Variants in ANOS1 observed in about 807,000 individuals in gnomAD.
ANOS1 encodes the protein anosmin-1.
ANOS1 carries 6 observed loss-of-function variants against 59.0 expected under a neutral mutation model. The observed-to-expected ratio is 0.10, with a 90% confidence interval of 0.06 to 0.20. The LOEUF (loss-of-function observed/expected upper bound fraction) is 0.20. Among genes scored for constraint, ANOS1 ranks in the 10% least tolerant of loss-of-function variants. The pLI is 1.00. For missense variants in ANOS1, 433 were observed against 542.3 expected (o/e 0.80, Z 2.00); for synonymous variants, 217 against 223.4 (o/e 0.97, Z 0.25).
Position 8,611,457 on chromosome X carries a change from G to A in ANOS1, c.318+12151C>T, listed in dbSNP as rs151270823. Among the ~76,000 whole-genome samples the A allele has an allele frequency of 2.3e-3, 250 of 110,195 alleles. 1 individual carries two copies. Among genetic ancestry groups the A allele is most frequent in the African/African-American group, 7.3e-3 (222 of 30,471 alleles). On this transcript the variant is annotated intron_variant, in intron 3 of 13. Transcript: ENST00000262648. ...ATATTGAACAATAAATTAAAAATTT[G>A]ATTAAAATTGTATGTCCAAAGTTAG...
chrX:8,615,121 C>T lies in ANOS1; in HGVS notation c.318+8487G>A, dbSNP rs181697968. Reference sequence around the variant, plus strand: ...GACTTAGATGAATTCTGCATCTCTTCATTGGTGCCCAAGTAACACCATCTA... The same window carrying T: ...GACTTAGATGAATTCTGCATCTCTTTATTGGTGCCCAAGTAACACCATCTA... On this transcript the variant is annotated intron_variant, in intron 3 of 13. Coordinates refer to ENST00000262648, the MANE Select transcript of ANOS1 (RefSeq NM_000216.4). Among the ~76,000 whole-genome samples the T allele has an allele frequency of 8.3e-3, 920 of 111,319 alleles. 18 individuals carry two copies. Among genetic ancestry groups the T allele is most frequent in the African/African-American group, 0.028 (868 of 30,727 alleles).
chrX:8,558,600 T>C (rs966249114), intron 8 of ANOS1, among the ~76,000 whole-genome samples: 12 of 111,822 alleles, frequency 1.1e-4, no homozygotes, highest in Non-Finnish European at 1.9e-4. Context: ...TTTATAGTTA[T>C]GAGGAAAATA....
intron 3 of ANOS1, among the ~76,000 whole-genome samples, chrX:8,607,986 T>C: frequency 9.0e-6 from 1 of 111,664 alleles, no homozygotes; most frequent in Middle Eastern, 4.6e-3. Flanking sequence ...ATACTGATGA[T>C]TTAGGCAAGT....
intron 2 of ANOS1, among the ~76,000 whole-genome samples, chrX:8,629,295 G>A (rs1476692286): frequency 9.0e-6 from 1 of 111,375 alleles, no homozygotes; most frequent in Admixed American, 9.6e-5. Flanking sequence ...ATTTTAGAGA[G>A]GAAACACTGA....
chrX:8,595,845 G>A (rs1930725939), intron 4 of ANOS1, among the ~76,000 whole-genome samples: 1 of 111,072 alleles, frequency 9.0e-6, no homozygotes, highest in South Asian at 3.9e-4. Context: ...GTAAGTGGTG[G>A]GTGAGTGGAC....
Position 8,539,666 on chromosome X carries a change from G to A in ANOS1, c.1447C>T (p.His483Tyr), listed in dbSNP as rs140758896. 3 of 1,211,576 alleles carry A rather than the reference G, an allele frequency of 2.5e-6. No individual in the cohort carries two copies. Among genetic ancestry groups the A allele is most frequent in the Non-Finnish European group, 3.4e-6 (3 of 895,487 alleles). ...TGGCCTAGAGATCATGTCCTTACGT[G>A]GGTCATGCCAGATGATGCCTCTGAT... ...TGSEASSGMT[H>Y]ENYIILQDLS... The change falls in exon 10 of 14, where the codon CAC (histidine) becomes TAC (tyrosine). Residue 483 changes from histidine to tyrosine, a missense_variant and splice_region_variant. Transcript: ENST00000262648.
intron 5 of ANOS1, 73 bp downstream of exon 5, chrX:8,587,721 T>A (rs1252893321): frequency 1.2e-6 from 1 of 843,918 alleles, no homozygotes; most frequent in Non-Finnish European, 1.7e-6. Context: ...CATAGCAAGT[T>A]AATTTTTTGT....
intron 10 of ANOS1, 24 bp from the exon 11 acceptor site, chrX:8,536,966 T>C (rs1929606493): frequency 1.6e-5 from 18 of 1,145,595 alleles, no homozygotes; most frequent in Non-Finnish European, 2.2e-5. Flanking sequence ...AAGAGAATTA[T>C]GCTAGCAATA....
intron 2 of ANOS1, among the ~76,000 whole-genome samples, chrX:8,683,580 T>G (rs1932460065): frequency 8.9e-6 from 1 of 111,944 alleles, no homozygotes; most frequent in Admixed American, 9.5e-5. Context: ...GGTCTACATG[T>G]GTTACAGAAA....
chrX:8,579,107 G>A (rs1478963983), intron 6 of ANOS1, among the ~76,000 whole-genome samples: 3 of 112,061 alleles, frequency 2.7e-5, no homozygotes, highest in African/African-American at 6.5e-5. Context: ...GTAAAAATAC[G>A]AATGTTTATT....
intron 1 of ANOS1, 115 bp from the exon 2 acceptor site, chrX:8,699,860 T>C: frequency 4.0e-6 from 2 of 504,495 alleles, no homozygotes; most frequent in Non-Finnish European, 6.4e-6. Flanking sequence ...TTTTAACAAA[T>C]ACCCAATCTT....
intron 2 of ANOS1, among the ~76,000 whole-genome samples, chrX:8,666,152 C>A (rs149081177): frequency 9.0e-6 from 1 of 111,397 alleles, no homozygotes; most frequent in Non-Finnish European, 1.9e-5. Flanking sequence ...GCTACAATCA[C>A]GCCACTGGAC....
chrX:8,536,272 T>C lies in ANOS1; in HGVS notation c.1622-461A>G, dbSNP rs1213841559. ...TTGGTCTGGAACTCCAGGGCTCAAG[T>C]GATTCTCTCATCTCAGCCTCTCAAA... On this transcript the variant is annotated intron_variant, in intron 11 of 13. Transcript: ENST00000262648. 4.4e-5 allele frequency among the ~76,000 whole-genome samples: 4 copies of C among 90,708 alleles called. No individual in the cohort carries two copies. In the East Asian group the frequency reaches 1.6e-3, roughly 36 times the overall value. The allele number at this position is 90,708 out of a possible 115,157, so 78.8% of individuals were successfully genotyped here.
Position 8,604,403 on chromosome X carries a change from C to T in ANOS1, c.319-7147G>A, listed in dbSNP as rs193150178. Among the ~76,000 whole-genome samples, 929 of 112,213 alleles carry T rather than the reference C, an allele frequency of 8.3e-3. 18 individuals carry two copies. The highest frequency in any genetic ancestry group is 0.028 in the African/African-American group (879 of 30,891). On this transcript the variant is annotated intron_variant, in intron 3 of 13. Transcript: ENST00000262648. ...AGAAATCTGCTGGATGAATAGCTCT[C>T]TAATTTGTGTTCAGTTATTAGACTT...
At chrX:8,594,748 A>C (rs1344881641) in intron 4 of ANOS1, among the ~76,000 whole-genome samples, 2 of 80,625 alleles carry the variant, frequency 2.5e-5, no homozygotes, top group East Asian at 3.7e-4. Flanking sequence ...GTATATATAT[A>C]TACATATATA....
At chrX:8,577,815 T>A (rs781550043) in intron 6 of ANOS1, among the ~76,000 whole-genome samples, 12 of 111,879 alleles carry the variant, frequency 1.1e-4, no homozygotes, top group Non-Finnish European at 2.1e-4. Flanking sequence ...AAATCACTTA[T>A]CACCCTTGGA....
intron 2 of ANOS1, among the ~76,000 whole-genome samples, chrX:8,638,462 A>G (rs959317255): frequency 1.8e-5 from 2 of 112,248 alleles, no homozygotes; most frequent in African/African-American, 6.5e-5. Flanking sequence ...GATGCATCAA[A>G]CACACAGTCT....
intron 13 of ANOS1, among the ~76,000 whole-genome samples, chrX:8,533,330 T>C (rs1215713955): frequency 8.9e-6 from 1 of 112,318 alleles, no homozygotes; most frequent in Non-Finnish European, 1.9e-5. Flanking sequence ...ACCATAATCC[T>C]TTTTTATTTG....
intron 8 of ANOS1, among the ~76,000 whole-genome samples, chrX:8,554,697 C>T (rs1929921580): frequency 9.2e-6 from 1 of 108,160 alleles, no homozygotes; most frequent in Non-Finnish European, 1.9e-5. Flanking sequence ...AATATATATG[C>T]CACCAATACA....
Sources: allele counts gnomAD v4.1 joint callset (sites outside exome capture counted in the v4.1 genomes callset), GRCh38; gene constraint gnomAD v4.1.1; transcripts MANE v1.5; gene names NCBI Gene and HGNC (gene_info 2026-07-23, HGNC 2026-07-21).